The following KLHL1 variants were observed in gnomAD, a reference collection of about 807,000 sequenced individuals.
The protein encoded by KLHL1 is kelch like family member 1, also known as kelch-like protein 1.
Under a neutral mutation model 77.7 loss-of-function variants are expected in KLHL1, and 47 were observed. The ratio of observed to expected loss-of-function variants is 0.60; its 90% CI spans 0.48 to 0.77. The LOEUF (loss-of-function observed/expected upper bound fraction) is 0.77. Ranked by LOEUF, KLHL1 falls within the 30% of genes least tolerant of loss-of-function variation. KLHL1 has a pLI of 0.00. For missense variants in KLHL1, 925 were observed against 910.8 expected (o/e 1.02, Z -0.20); for synonymous variants, 360 against 325.2 (o/e 1.11, Z -1.15).
chr13:70,017,709 G>A (rs559913756), intron 1 of KLHL1, among the ~76,000 whole-genome samples: 67 of 152,264 alleles, frequency 4.4e-4, no homozygotes, highest in African/African-American at 1.4e-3. Context: ...CTACTATCAC[G>A]AGCACAAAAT....
At chr13:69,800,485 T>C (rs2138044948) in intron 6 of KLHL1, among the ~76,000 whole-genome samples, 1 of 152,330 alleles carries the variant, frequency 6.6e-6, no homozygotes, top group East Asian at 1.9e-4. Context: ...GGATATTTTA[T>C]GTTTGTAGAG....
chr13:69,891,399 T>C (rs1167181845), intron 4 of KLHL1, among the ~76,000 whole-genome samples: 2 of 152,082 alleles, frequency 1.3e-5, no homozygotes, highest in Non-Finnish European at 2.9e-5. Flanking sequence ...TCTTTCAAGA[T>C]CATCATACAG....
intron 1 of KLHL1, among the ~76,000 whole-genome samples, chr13:70,067,097 G>T (rs945301891): frequency 3.9e-5 from 6 of 152,114 alleles, no homozygotes; most frequent in Non-Finnish European, 7.4e-5. Context: ...CTTTATAAAT[G>T]GTTCAGCTTG....
Position 69,840,698 on chromosome 13 carries a change from A to ATATATG in KLHL1, c.1228-1537_1228-1536insCATATA, listed in dbSNP as rs976775077. Among the ~76,000 whole-genome samples, 975 of 146,314 alleles carry ATATATG rather than the reference A, an allele frequency of 6.7e-3. 9 individuals are homozygous for ATATATG. Among genetic ancestry groups the ATATATG allele is most frequent in the African/African-American group, 0.023 (914 of 39,606 alleles). ...GAACATTAACTTTATATATATATAT[A>ATATATG]TATGTATGTATGTATGTATGTATGT... On this transcript the variant is annotated intron_variant, in intron 5 of 10. Transcript: ENST00000377844.
chr13:69,828,136 C>T, intron 6 of KLHL1, among the ~76,000 whole-genome samples: 1 of 150,158 alleles, frequency 6.7e-6, no homozygotes, highest in East Asian at 1.9e-4. Flanking sequence ...GCAGGAAAAC[C>T]AAAGGAATTC....
intron 1 of KLHL1, among the ~76,000 whole-genome samples, chr13:70,077,561 A>T (rs1887294101): frequency 6.6e-6 from 1 of 152,062 alleles, no homozygotes; most frequent in Non-Finnish European, 1.5e-5. Flanking sequence ...ATAAAACTGT[A>T]TTTCTCAAAG....
At chr13:69,775,861 T>G (rs994372427) in intron 7 of KLHL1, among the ~76,000 whole-genome samples, 1 of 151,782 alleles carries the variant, frequency 6.6e-6, no homozygotes, top group Non-Finnish European at 1.5e-5. Context: ...TTAAAAAAAT[T>G]ATTATTCTAG....
At chr13:69,718,954 C>A (rs1279276388) in intron 9 of KLHL1, among the ~76,000 whole-genome samples, 1 of 151,944 alleles carries the variant, frequency 6.6e-6, no homozygotes, top group Non-Finnish European at 1.5e-5. Context: ...CAAACAAGAA[C>A]AGAAGAATAG....
At chr13:69,782,434 G>A (rs1396402055) in intron 7 of KLHL1, among the ~76,000 whole-genome samples, 2 of 152,216 alleles carry the variant, frequency 1.3e-5, no homozygotes, top group East Asian at 1.9e-4. Flanking sequence ...GTGACAGACG[G>A]CACCTGGAAA....
chr13:69,977,499 G>A lies in KLHL1; in HGVS notation c.498-1697C>T, dbSNP rs866172585. Reference sequence around the variant, plus strand: ...GATAAAAATATAGAAAACAAAAAACGGTAAAATTATAATATTCATGTAATT... The same window carrying A: ...GATAAAAATATAGAAAACAAAAAACAGTAAAATTATAATATTCATGTAATT... On this transcript the variant is annotated intron_variant, in intron 1 of 10. Coordinates refer to ENST00000377844, the MANE Select transcript of KLHL1 (RefSeq NM_020866.3). Among the ~76,000 whole-genome samples, 100 of 151,916 alleles carry A rather than the reference G, an allele frequency of 6.6e-4. 1 individual carries two copies. The highest frequency in any genetic ancestry group is 1.9e-3 in the African/African-American group (79 of 41,456).
intron 1 of KLHL1, among the ~76,000 whole-genome samples, chr13:70,005,334 T>C (rs1052577983): frequency 1.3e-5 from 2 of 152,004 alleles, no homozygotes; most frequent in Non-Finnish European, 2.9e-5. Flanking sequence ...CTGTGCAAAA[T>C]AGTCTAGGAA....
At chr13:70,028,056 C>A (rs1886000747) in intron 1 of KLHL1, among the ~76,000 whole-genome samples, 1 of 151,924 alleles carries the variant, frequency 6.6e-6, no homozygotes, top group African/African-American at 2.4e-5. Flanking sequence ...GAAGGTAGTA[C>A]AAGGTGTAGG....
intron 8 of KLHL1, among the ~76,000 whole-genome samples, chr13:69,722,378 T>C (rs1317449276): frequency 6.6e-6 from 1 of 151,872 alleles, no homozygotes; most frequent in Non-Finnish European, 1.5e-5. Flanking sequence ...AAAGCAATGA[T>C]GACATACAAC....
At chr13:70,046,928 T>C (rs1441553) in intron 1 of KLHL1, among the ~76,000 whole-genome samples, 50,403 of 152,070 alleles carry the variant, frequency 0.33, 9,166 homozygotes, top group East Asian at 0.68. Context: ...TGATCCTCCT[T>C]TCACAGTAAC....
chr13:69,756,118 T>C (rs541993030), intron 7 of KLHL1, among the ~76,000 whole-genome samples: 5 of 152,224 alleles, frequency 3.3e-5, no homozygotes, highest in Middle Eastern at 3.4e-3. Flanking sequence ...CATAAGTAAG[T>C]TGACCCCCAC....
intron 7 of KLHL1, among the ~76,000 whole-genome samples, chr13:69,742,227 C>T (rs1434194594): frequency 6.6e-6 from 1 of 152,092 alleles, no homozygotes; most frequent in African/African-American, 2.4e-5. Flanking sequence ...AAAATGCATA[C>T]CCATTGCTCG....
intron 4 of KLHL1, among the ~76,000 whole-genome samples, chr13:69,936,337 C>T (rs1477212130): frequency 6.6e-6 from 1 of 151,970 alleles, no homozygotes; most frequent in Non-Finnish European, 1.5e-5. Flanking sequence ...GCCTGTAATC[C>T]CAGCACTTTG....
chr13:69,866,503 T>C (rs965150515), intron 5 of KLHL1, among the ~76,000 whole-genome samples: 2 of 152,104 alleles, frequency 1.3e-5, no homozygotes, highest in African/African-American at 2.4e-5. Flanking sequence ...TTCCCTAGTG[T>C]TTCTGTGGAT....
At chr13:69,981,332 C>G (rs1884698378) in intron 1 of KLHL1, among the ~76,000 whole-genome samples, 1 of 151,836 alleles carries the variant, frequency 6.6e-6, no homozygotes, top group East Asian at 1.9e-4. Flanking sequence ...AAAATTTTTT[C>G]TTAATGTGAG....
Sources: gnomAD v4.1 joint callset for allele counts (sites outside exome capture counted in the v4.1 genomes callset) on GRCh38, gnomAD v4.1.1 for gene constraint, MANE v1.5 for transcripts, NCBI Gene and HGNC (gene_info 2026-07-23, HGNC 2026-07-21) for gene names.